The following CNIH3 variants were observed in gnomAD, a reference collection of about 807,000 sequenced individuals.
CNIH3 encodes cornichon family AMPA receptor auxiliary protein 3, also known as protein cornichon homolog 3.
CNIH3 carries 14 observed loss-of-function variants against 24.1 expected under a neutral mutation model. The observed-to-expected ratio is 0.58, with a 90% CI of 0.38 to 0.91. The LOEUF (loss-of-function observed/expected upper bound fraction) is 0.91. CNIH3 is among the 40% of genes least tolerant of loss of function. CNIH3 has a pLI of 0.00. For missense variants in CNIH3, 178 were observed against 196.8 expected (o/e 0.90, Z 0.57); for synonymous variants, 68 against 73.8 (o/e 0.92, Z 0.40).
rs555754359 is a variant in CNIH3 at position 224,616,961 on chromosome 1, G to A, written c.-214G>A. The A allele has an allele frequency of 3.5e-5, 49 of 1,389,364 alleles. No homozygotes were observed. The highest frequency in any genetic ancestry group is 9.0e-5 in the Admixed American group (3 of 33,446). The allele number at this position is 1,389,364 out of a possible 1,614,324, so 86.1% of individuals were successfully genotyped here. On this transcript the variant is annotated 5_prime_UTR_variant, in exon 1 of 6. Coordinates refer to ENST00000272133, the MANE Select transcript of CNIH3 (RefSeq NM_152495.2). ...TCTCGACACACGTTTTCCTGTCTTC[G>A]CCGGAGGGCCGGGTCTGGGGTCGCC...
At chr1:224,558,767 G>A (rs1680246102) in intron 3 of CNIH3, among the ~76,000 whole-genome samples, 1 of 152,214 alleles carries the variant, frequency 6.6e-6, no homozygotes, top group Non-Finnish European at 1.5e-5. Context: ...AGCAGTCACA[G>A]GGGAGAGATG....
At chr1:224,670,506 G>T (rs1409661844) in intron 1 of CNIH3, among the ~76,000 whole-genome samples, 1 of 152,164 alleles carries the variant, frequency 6.6e-6, no homozygotes, top group African/African-American at 2.4e-5. Context: ...GATGAGGGTG[G>T]ACACTGCTCT....
intron 1 of CNIH3, among the ~76,000 whole-genome samples, chr1:224,620,864 G>T (rs1255004233): frequency 1.3e-5 from 2 of 151,992 alleles, no homozygotes; most frequent in Non-Finnish European, 2.9e-5. Flanking sequence ...TGGACGTTTA[G>T]AAGGAAAAAA....
chr1:224,445,032 T>C (rs1003254686), intron 1 of CNIH3, among the ~76,000 whole-genome samples: 4 of 151,996 alleles, frequency 2.6e-5, no homozygotes, highest in African/African-American at 7.3e-5. Flanking sequence ...CTCAGTTTTT[T>C]CTAGTGAACG....
At chr1:224,457,271 CTCTCTGTGTGTGTGTG>C (rs1162086452) in intron 1 of CNIH3, among the ~76,000 whole-genome samples, 43 of 82,204 alleles carry the variant, frequency 5.2e-4, no homozygotes, top group Admixed American at 1.0e-3. Context: ...CCTCCTCTCT[CTCTCTGTGTGTGTGTG>C]TGTGTGTGTG....
intron 1 of CNIH3, among the ~76,000 whole-genome samples, chr1:224,628,597 T>C (rs1189109238): frequency 6.6e-6 from 1 of 152,148 alleles, no homozygotes; most frequent in Admixed American, 6.5e-5. Context: ...CATCATATTG[T>C]AGCCTGTGTC....
chr1:224,669,785 C>T (rs1054835996), intron 1 of CNIH3, among the ~76,000 whole-genome samples: 16 of 152,204 alleles, frequency 1.1e-4, no homozygotes, highest in African/African-American at 3.9e-4. Context: ...GGAACCACTA[C>T]TGTCTCCTCT....
At chr1:224,530,757 G>A (rs1679032910) in intron 2 of CNIH3, among the ~76,000 whole-genome samples, 1 of 152,048 alleles carries the variant, frequency 6.6e-6, no homozygotes, top group Non-Finnish European at 1.5e-5. Context: ...CTGCCACCAT[G>A]TGCGGCTAAT....
At chr1:224,465,573 T>C (rs1057343750) in intron 1 of CNIH3, among the ~76,000 whole-genome samples, 46 of 152,368 alleles carry the variant, frequency 3.0e-4, no homozygotes, top group African/African-American at 1.1e-3. Flanking sequence ...CCACAGTCTA[T>C]ACTATTATTT....
chr1:224,547,297 A>G (rs1679739426), intron 3 of CNIH3, among the ~76,000 whole-genome samples: 1 of 151,990 alleles, frequency 6.6e-6, no homozygotes, highest in African/African-American at 2.4e-5. Context: ...TACTCCAAAT[A>G]TCACAGTGGG....
chr1:224,695,836 CCTT>C (rs1292607519), intron 3 of CNIH3, among the ~76,000 whole-genome samples: 3 of 152,168 alleles, frequency 2.0e-5, no homozygotes, highest in Admixed American at 2.0e-4. Context: ...CACAGCCTGA[CCTT>C]CTCAGCAATA....
intron 3 of CNIH3, among the ~76,000 whole-genome samples, chr1:224,718,159 T>G (rs1688525288): frequency 6.6e-6 from 1 of 152,050 alleles, no homozygotes; most frequent in Admixed American, 6.6e-5. Flanking sequence ...TTTCAGATAA[T>G]GATGCTGAGA....
At chr1:224,716,027 A>G (rs1212235772) in intron 3 of CNIH3, among the ~76,000 whole-genome samples, 2 of 152,170 alleles carry the variant, frequency 1.3e-5, no homozygotes, top group Admixed American at 1.3e-4. Flanking sequence ...CTAATGTTCA[A>G]GATTTCTCAG....
At chr1:224,697,899 TG>T (rs1314700322) in intron 3 of CNIH3, among the ~76,000 whole-genome samples, 1 of 152,212 alleles carries the variant, frequency 6.6e-6, no homozygotes, top group Non-Finnish European at 1.5e-5. Flanking sequence ...CATGCCAGCC[TG>T]TACCTAGGTG....
chr1:224,648,337 G>C (rs1684709895), intron 1 of CNIH3, among the ~76,000 whole-genome samples: 1 of 151,624 alleles, frequency 6.6e-6, no homozygotes, highest in African/African-American at 2.4e-5. Context: ...CTCAAACCCA[G>C]GAGGCAGAGG....
At chr1:224,727,822 C>A (rs181110438) in intron 3 of CNIH3, among the ~76,000 whole-genome samples, 1 of 152,162 alleles carries the variant, frequency 6.6e-6, no homozygotes, top group East Asian at 1.9e-4. Flanking sequence ...TTGTAAGGAT[C>A]CTGTTCAGTG....
intron 2 of CNIH3, among the ~76,000 whole-genome samples, chr1:224,681,470 C>T (rs1434138176): frequency 6.6e-6 from 1 of 152,198 alleles, no homozygotes; most frequent in East Asian, 1.9e-4. Flanking sequence ...CCATCCATCA[C>T]CCAGAAAGCA....
At chr1:224,564,742 C>A (rs1430153763) in intron 3 of CNIH3, among the ~76,000 whole-genome samples, 1 of 152,374 alleles carries the variant, frequency 6.6e-6, no homozygotes, top group African/African-American at 2.4e-5. Flanking sequence ...TGCACTCTGC[C>A]AGCTGCCTGG....
chr1:224,636,530 C>A (rs1426099715), intron 1 of CNIH3, among the ~76,000 whole-genome samples: 1 of 152,182 alleles, frequency 6.6e-6, no homozygotes, highest in African/African-American at 2.4e-5. Flanking sequence ...CAATAAAGAA[C>A]AAAAACTTGA....
Sources: allele counts gnomAD v4.1 joint callset (sites outside exome capture counted in the v4.1 genomes callset), GRCh38; gene constraint gnomAD v4.1.1; transcripts MANE v1.5; gene names NCBI Gene and HGNC (gene_info 2026-07-23, HGNC 2026-07-21).